PLEC: variants seen among roughly 807,000 people sequenced by gnomAD.
PLEC encodes the protein plectin, also known as hemidesmosomal protein 1.
PLEC carries 216 observed loss-of-function variants against 392.8 expected under a neutral mutation model. The ratio of observed to expected loss-of-function variants is 0.55; its 90% CI spans 0.49 to 0.62. The LOEUF (loss-of-function observed/expected upper bound fraction) is 0.62, where lower values mean the gene tolerates loss of function less well. PLEC is among the 20% of genes least tolerant of loss of function. The pLI is 0.00. For synonymous variants in PLEC, 3,621 were observed against 2,980.6 expected, an observed-to-expected ratio of 1.21 and a Z score of -7.00; for missense variants, 6,863 against 6,563.4, an observed-to-expected ratio of 1.05 and a Z score of -1.58.
intron 30 of PLEC, among the ~76,000 whole-genome samples, chr8:143,926,566 T>A (rs539011214): frequency 9.9e-5 from 15 of 152,150 alleles, no homozygotes; most frequent in Non-Finnish European, 2.1e-4. Context: ...CACCAGCCAC[T>A]GTGGGGGAGC....
At position 143,926,975 on chromosome 8, in the gene PLEC, A is replaced by G. The variant is rs781866142; in HGVS notation, c.3945+2T>C. The G allele has an allele frequency of 6.2e-7, 1 of 1,612,278 alleles. No individual in the cohort carries two copies. The highest frequency in any genetic ancestry group is 8.5e-7 in the Non-Finnish European group (1 of 1,179,254). ...ACCCAGTTAGGTTCGGCCCCACCCT[A>G]CCTCCTGGATGACACTCTCTGATCC... On this transcript the variant is annotated splice_donor_variant, in intron 29 of 31. Transcript: ENST00000345136. LOFTEE classifies it high-confidence loss of function.
At chr8:143,946,440 C>G in intron 1 of PLEC, 2 of 1,278,948 alleles carry the variant, frequency 1.6e-6, no homozygotes, top group Non-Finnish European at 2.0e-6. Flanking sequence ...GGGAGGAAGG[C>G]GAGGCAGGAA....
In PLEC at chr8:143,923,460, G is replaced by C. The variant is rs558775133; in HGVS notation, c.6469C>G (p.Leu2157Val). The C allele has an allele frequency of 1.9e-5, 31 of 1,607,604 alleles. No homozygotes were observed. The African/African-American group carries it at 2.9e-4, about 15-fold the overall frequency. ...GCGTCAGCTGCCTGCTTCTGCCGCA[G>C]GGCCGCCTGCTCCGCCTGTGCCCGC... ...ARRAQAEQAA[L>V]RQKQAADAEM... The change falls in exon 31 of 32, where the codon CTG (leucine) becomes GTG (valine). Residue 2157 changes from leucine to valine, a missense_variant. Leu to Val is a conservative substitution (Grantham distance 32). Coordinates refer to ENST00000345136, the MANE Select transcript of PLEC (RefSeq NM_201384.3).
At position 143,916,341 on chromosome 8, in the gene PLEC, G is replaced by A. The variant is rs782402134; in HGVS notation, c.13480C>T (p.Arg4494Cys). The change falls in exon 32 of 32, where the codon CGC becomes TGC. Residue 4494 changes from arginine to cysteine, a missense_variant. By Grantham distance (180) the Arg-to-Cys change is radical (BLOSUM62 -3). Transcript: ENST00000345136. ...CGGGAGCCGGCCCGGGAGCCGGTGCGCGAGCCGGTGCGGGAGCCAGCGGTA... is the reference window on the plus strand; with the variant it reads ...CGGGAGCCGGCCCGGGAGCCGGTGCACGAGCCGGTGCGGGAGCCAGCGGTA... ...GSTAGSRTGS[R>C]TGSRAGSRRG... is the part of the protein sequence containing the mutation. 40 of 1,599,848 alleles carry A rather than the reference G, an allele frequency of 2.5e-5. No individual in the cohort carries two copies. The highest frequency in any genetic ancestry group is 8.1e-5 in the African/African-American group (6 of 74,494).
At chr8:143,943,912 G>A (rs973485112), upstream of PLEC, 1 of 1,608,488 alleles carries the variant, frequency 6.2e-7, no homozygotes, top group Non-Finnish European at 8.5e-7. Flanking sequence ...GGAGCCGCCA[G>A]GGCTGCCCTT....
At chr8:143,963,856 A>G (rs549115424) in intron 1 of PLEC, among the ~76,000 whole-genome samples, 6 of 130,972 alleles carry the variant, frequency 4.6e-5, no homozygotes, top group Non-Finnish European at 7.8e-5. Flanking sequence ...TCTGTCACCC[A>G]GGCTGGAGTG....
In PLEC at chr8:143,927,537, C is replaced by T. The variant is rs369682125; in HGVS notation, c.3629G>A (p.Arg1210His). ...RELEQLGRQL[R>H]YYRESADPLG... Reference sequence around the variant, plus strand: ...GGGGTCTGCACTCTCGCGGTAGTAACGCAGCTGGCGGCCCAGTTGCTCGAG... The same window carrying T: ...GGGGTCTGCACTCTCGCGGTAGTAATGCAGCTGGCGGCCCAGTTGCTCGAG... The change falls in exon 27 of 32, where the codon CGT becomes CAT. Residue 1210 changes from arginine to histidine, a missense_variant. Transcript: ENST00000345136. The T allele has an allele frequency of 1.2e-4, 190 of 1,596,946 alleles. No individual in the cohort carries two copies. The highest frequency in any genetic ancestry group is 1.4e-4 in the Non-Finnish European group (165 of 1,178,798).
At chr8:143,967,940 C>T (rs1161496536) in intron 1 of PLEC, among the ~76,000 whole-genome samples, 4 of 152,094 alleles carry the variant, frequency 2.6e-5, no homozygotes, top group Admixed American at 1.3e-4. Context: ...CCAGCCTGGC[C>T]AACATGGGGA....
chr8:143,928,151 G>C (rs1021263076), intron 25 of PLEC, among the ~76,000 whole-genome samples, 159 bp from the exon 26 acceptor site: 3 of 152,268 alleles, frequency 2.0e-5, no homozygotes, highest in Non-Finnish European at 4.4e-5. Context: ...TTCAGGAGAA[G>C]AACAGCCTTG....
rs370129235 is a variant in PLEC at position 143,921,094 on chromosome 8, G to T, written c.8727C>A (p.Thr2909=). The T allele has an allele frequency of 3.1e-6, 5 of 1,612,054 alleles. No homozygotes were observed. In the South Asian group the frequency reaches 5.5e-5, roughly 18 times the overall value. ...SEARDVFEKA[T]VSAPFGKFQG... is the part of the protein sequence containing the mutation. ...GGAACTTGCCGAACGGCGCAGACAC[G>T]GTGGCCTTCTCAAAGACGTCCCGGG... is the stretch of plus-strand genomic sequence containing the variant. The change falls in exon 32 of 32, where the codon ACC becomes ACA. Residue 2909 remains threonine (T), a synonymous_variant. Coordinates refer to ENST00000345136, the MANE Select transcript of PLEC (RefSeq NM_201384.3).
chr8:143,920,269 G>A lies in PLEC; in HGVS notation c.9552C>T (p.Pro3184=), dbSNP rs1554681189. ...PRADAKAYSD[P]STGEPATYGE... is the part of the protein sequence containing the mutation. Reference sequence around the variant, plus strand: ...CGTAGGTGGCCGGCTCCCCTGTGCTGGGGTCACTGTAGGCCTTGGCGTCGG... The same window carrying A: ...CGTAGGTGGCCGGCTCCCCTGTGCTAGGGTCACTGTAGGCCTTGGCGTCGG... Residue 3184 remains proline, a synonymous_variant, in exon 32 of 32, where the codon CCC becomes CCT. Transcript: ENST00000345136. The A allele has an allele frequency of 3.8e-6, 6 of 1,596,708 alleles. No homozygotes were observed. The South Asian group carries it at 5.5e-5, about 15-fold the overall frequency.
chr8:143,923,926 T>A lies in PLEC; in HGVS notation c.6003A>T (p.Ala2001=). The A allele has an allele frequency of 6.3e-7, 1 of 1,594,764 alleles. No homozygotes were observed. Among genetic ancestry groups the A allele is most frequent in the Non-Finnish European group, 8.5e-7 (1 of 1,178,100 alleles). ...QKSLAAEEEA[A]RQRKAALEEV... is the part of the protein sequence containing the mutation. The stretch of plus-strand genomic sequence containing the variant: ...CCTCCAGCGCCGCCTTCCGCTGCCG[T>A]GCGGCCTCCTCCTCGGCCGCCAGGC... The change falls in exon 31 of 32, where the codon GCA becomes GCT. Residue 2001 remains alanine, a synonymous_variant. Coordinates refer to ENST00000345136, the MANE Select transcript of PLEC (RefSeq NM_201384.3).
At chr8:143,941,510 G>T (rs1830445396), upstream of PLEC, among the ~76,000 whole-genome samples, 1 of 152,010 alleles carries the variant, frequency 6.6e-6, no homozygotes, top group Non-Finnish European at 1.5e-5. Context: ...ACCGGGTGAG[G>T]AGAAGGGCTG....
At chr8:143,938,452 G>A (rs545355575) in intron 2 of PLEC, 179 bp downstream of exon 2, 53 of 1,543,480 alleles carry the variant, frequency 3.4e-5, no homozygotes, top group East Asian at 2.7e-4. Flanking sequence ...GAAGGAAGAG[G>A]AGGAAGAGAG....
intron 20 of PLEC, 29 bp downstream of exon 20, chr8:143,930,355 C>A: frequency 6.3e-7 from 1 of 1,580,172 alleles, no homozygotes; most frequent in Non-Finnish European, 8.6e-7. Context: ...CTGGCCACGC[C>A]CCCCAGTGGA....
In PLEC at chr8:143,920,707, C is replaced by CA; in HGVS notation, c.9113dup (p.Ser3039GlufsTer55). 6.2e-7 allele frequency: 1 copy of CA among 1,602,806 alleles called. No homozygotes were observed. The highest frequency in any genetic ancestry group is 2.2e-5 in the East Asian group (1 of 44,878). The stretch of plus-strand genomic sequence containing the variant: ...CTTTCTTCAGGGCATTGTAGATACT[C>CA]AGCTTCTGCCCCGCCTCCTCCAGCC... On this transcript the variant is annotated frameshift_variant, in exon 32 of 32. Coordinates refer to ENST00000345136, the MANE Select transcript of PLEC (RefSeq NM_201384.3). LOFTEE classifies it high-confidence loss of function.
In PLEC at chr8:143,930,309, C is replaced by G; in HGVS notation, c.2458-11G>C. 6.3e-7 allele frequency: 1 copy of G among 1,599,686 alleles called. No individual in the cohort carries two copies. The highest frequency in any genetic ancestry group is 1.1e-5 in the South Asian group (1 of 89,730). ...CTTGTGCACAGTCACCTGGGACGGGCAGAGTCGGTGAGGACATGGCCACAC... is the reference window on the plus strand; with the variant it reads ...CTTGTGCACAGTCACCTGGGACGGGGAGAGTCGGTGAGGACATGGCCACAC... On this transcript the variant is annotated splice_polypyrimidine_tract_variant and intron_variant, in intron 20 of 31. Coordinates refer to ENST00000345136, the MANE Select transcript of PLEC (RefSeq NM_201384.3).
chr8:143,931,426 C>G (rs1463248777), intron 19 of PLEC, 108 bp downstream of exon 19: 1 of 1,177,900 alleles, frequency 8.5e-7, no homozygotes. Flanking sequence ...ATGGTGCCTC[C>G]CAACTCCTGC....
intron 25 of PLEC, among the ~76,000 whole-genome samples, chr8:143,928,429 G>A (rs1237905274): frequency 6.6e-6 from 1 of 152,148 alleles, no homozygotes; most frequent in Non-Finnish European, 1.5e-5. Flanking sequence ...GTTCTGTGAG[G>A]AGTAGACAGC....
Sources: gnomAD v4.1 joint callset for allele counts (sites outside exome capture counted in the v4.1 genomes callset) on GRCh38, gnomAD v4.1.1 for gene constraint, MANE v1.5 for transcripts, NCBI Gene and HGNC (gene_info 2026-07-23, HGNC 2026-07-21) for gene names.